The following CEP112 variants were observed in gnomAD, a reference collection of about 807,000 sequenced individuals.
CEP112 encodes centrosomal protein 112.
CEP112 carries 127 observed loss-of-function variants against 153.0 expected under a neutral mutation model. The ratio of observed to expected loss-of-function variants is 0.83; its 90% confidence interval spans 0.72 to 0.96. The LOEUF (loss-of-function observed/expected upper bound fraction) is 0.96, where lower values mean the gene tolerates loss of function less well. CEP112 is among the 40% of genes least tolerant of loss of function. The pLI is 0.00. For synonymous variants in CEP112, 358 were observed against 374.4 expected, an observed-to-expected ratio of 0.96 and a Z score of 0.51; for missense variants, 1,089 against 1,101.2, an observed-to-expected ratio of 0.99 and a Z score of 0.16.
intron 6 of CEP112, among the ~76,000 whole-genome samples, chr17:66,122,807 G>A (rs2069662493): frequency 6.6e-6 from 1 of 152,130 alleles, no homozygotes; most frequent in Non-Finnish European, 1.5e-5. Flanking sequence ...TCTGACCCCA[G>A]GAGGACTCTT....
intron 17 of CEP112, among the ~76,000 whole-genome samples, chr17:65,996,502 A>T (rs1183420384): frequency 6.6e-6 from 1 of 152,218 alleles, no homozygotes; most frequent in African/African-American, 2.4e-5. Context: ...AGGTACTCAG[A>T]TGAGACTGGA....
Position 66,176,893 on chromosome 17 carries a change from C to A in CEP112, c.234G>T (p.Ala78=). Residue 78 remains alanine, a synonymous_variant, in exon 3 of 27, where the codon GCG becomes GCT. Transcript: ENST00000535342. ...GTCGGTGTGTAAAAGGGCCTTCAAGCGCACCTCGTTTAAGCATATGCAATA... is the reference window on the plus strand; with the variant it reads ...GTCGGTGTGTAAAAGGGCCTTCAAGAGCACCTCGTTTAAGCATATGCAATA... ...KLLLHMLKRG[A]LEGPFTHRPE... is the part of the protein sequence containing the mutation. 2 of 1,613,672 alleles carry A rather than the reference C, an allele frequency of 1.2e-6. No individual in the cohort carries two copies. The highest frequency in any genetic ancestry group is 2.2e-5 in the South Asian group (2 of 91,024).
intron 24 of CEP112, among the ~76,000 whole-genome samples, chr17:65,681,632 C>G (rs1381596512): frequency 3.3e-5 from 5 of 150,934 alleles, no homozygotes. Flanking sequence ...TCCTTTCTTC[C>G]ACTCTCTAAA....
At chr17:65,832,249 T>C (rs1358242421) in intron 21 of CEP112, among the ~76,000 whole-genome samples, 2 of 151,396 alleles carry the variant, frequency 1.3e-5, no homozygotes, top group African/African-American at 4.9e-5. Flanking sequence ...GTTGGAAAAA[T>C]CTCAAATTAA....
chr17:66,079,829 G>A (rs2067647830), intron 8 of CEP112, among the ~76,000 whole-genome samples: 1 of 152,052 alleles, frequency 6.6e-6, no homozygotes. Flanking sequence ...CAACGGAACA[G>A]AACAGAGGCC....
chr17:66,020,151 T>C (rs1471788803), intron 16 of CEP112, among the ~76,000 whole-genome samples: 5 of 152,086 alleles, frequency 3.3e-5, no homozygotes, highest in African/African-American at 1.2e-4. Flanking sequence ...CAGGAAGCTC[T>C]TCCTTAATGG....
intron 20 of CEP112, among the ~76,000 whole-genome samples, chr17:65,858,911 C>T (rs2058211372): frequency 6.6e-6 from 1 of 152,066 alleles, no homozygotes; most frequent in African/African-American, 2.4e-5. Context: ...TTCCACTCAC[C>T]CGGACTGTCA....
intron 4 of CEP112, among the ~76,000 whole-genome samples, chr17:66,138,309 T>C (rs913355499): frequency 2.0e-5 from 3 of 152,192 alleles, no homozygotes; most frequent in African/African-American, 7.2e-5. Flanking sequence ...TGGCATAACA[T>C]TGTCTAGATG....
In CEP112 at chr17:65,837,602, A is replaced by G. The variant is rs549841184; in HGVS notation, c.2394+14202T>C. ...GTCTGGGAGGTGTACCCAACAGCTC[A>G]TTGAGAACGGGCCATGATGACGATG... On this transcript the variant is annotated intron_variant, in intron 21 of 26. Transcript: ENST00000535342. 7.9e-3 allele frequency among the ~76,000 whole-genome samples: 1,207 copies of G among 152,298 alleles called. 11 individuals carry two copies. The highest frequency in any genetic ancestry group is 0.02 in the South Asian group (95 of 4,824).
At chr17:65,816,225 G>T (rs1013533544) in intron 21 of CEP112, among the ~76,000 whole-genome samples, 6 of 151,882 alleles carry the variant, frequency 4.0e-5, no homozygotes, top group Non-Finnish European at 7.4e-5. Context: ...CAATTCAGTA[G>T]TTTTGGTATA....
chr17:65,829,715 T>C (rs1167490090), intron 21 of CEP112, among the ~76,000 whole-genome samples: 1 of 152,192 alleles, frequency 6.6e-6, no homozygotes, highest in Non-Finnish European at 1.5e-5. Context: ...TCATTTAAAA[T>C]ATATATAGTG....
At chr17:65,879,313 T>C (rs2058968364) in intron 20 of CEP112, among the ~76,000 whole-genome samples, 1 of 152,164 alleles carries the variant, frequency 6.6e-6, no homozygotes. Context: ...CAAGCAGGAA[T>C]GCTGTGGGCC....
chr17:65,686,293 G>A (rs531806866), intron 24 of CEP112, among the ~76,000 whole-genome samples: 1 of 152,084 alleles, frequency 6.6e-6, no homozygotes, highest in African/African-American at 2.4e-5. Context: ...ATTCTAAAAA[G>A]CTATTGTCAC....
At chr17:65,977,177 T>C (rs6504379) in intron 17 of CEP112, among the ~76,000 whole-genome samples, 151,761 of 152,352 alleles carry the variant, frequency 1, 75,587 homozygotes, top group Middle Eastern at 1. Flanking sequence ...CTATGCATGG[T>C]TGCGTTTCTT....
At chr17:65,683,807 G>C (rs1166105253) in intron 24 of CEP112, among the ~76,000 whole-genome samples, 1 of 152,144 alleles carries the variant, frequency 6.6e-6, no homozygotes, top group Non-Finnish European at 1.5e-5. Flanking sequence ...ACTTTGGAAG[G>C]CCGAGGCAGG....
At chr17:65,939,845 A>T (rs1310816833) in intron 18 of CEP112, among the ~76,000 whole-genome samples, 1 of 152,236 alleles carries the variant, frequency 6.6e-6, no homozygotes, top group Non-Finnish European at 1.5e-5. Context: ...TTTCTTGGAT[A>T]TGACAATAAA....
intron 23 of CEP112, among the ~76,000 whole-genome samples, chr17:65,719,899 G>GTGGGGACCAC (rs2049768451): frequency 6.6e-6 from 1 of 152,206 alleles, no homozygotes; most frequent in Non-Finnish European, 1.5e-5. Flanking sequence ...AGTGAAGAAA[G>GTGGGGACCAC]ATCACTCTGG....
At chr17:65,738,888 A>G (rs1326006753) in intron 23 of CEP112, among the ~76,000 whole-genome samples, 11 of 152,292 alleles carry the variant, frequency 7.2e-5, no homozygotes, top group African/African-American at 2.6e-4. Context: ...CTCAAATTCT[A>G]TGCCATTCCT....
At chr17:65,767,116 C>T (rs1471620567) in intron 21 of CEP112, among the ~76,000 whole-genome samples, 2 of 152,118 alleles carry the variant, frequency 1.3e-5, no homozygotes, top group African/African-American at 4.8e-5. Context: ...GGAACATTCT[C>T]CAGTACAGAC....
Sources: gnomAD v4.1 joint callset for allele counts (sites outside exome capture counted in the v4.1 genomes callset) on GRCh38, gnomAD v4.1.1 for gene constraint, MANE v1.5 for transcripts, NCBI Gene and HGNC (gene_info 2026-07-23, HGNC 2026-07-21) for gene names.